The following PKNOX2 variants were observed in gnomAD, a reference collection of about 807,000 sequenced individuals.
PKNOX2 encodes PBX/knotted 1 homeobox 2, also known as homeobox protein PKNOX2.
A neutral mutation model predicts 53.1 loss-of-function variants in PKNOX2; 14 were observed. The observed-to-expected ratio is 0.26, with a 90% CI of 0.17 to 0.41. PKNOX2 has a LOEUF of 0.41. PKNOX2 is among the 10% of genes least tolerant of loss of function. The probability of loss-of-function intolerance (pLI) is 1.00; values close to 1 mark genes in which losing one functional copy is unlikely to be tolerated. For missense variants in PKNOX2, 496 were observed against 602.8 expected (o/e 0.82, Z 1.85); for synonymous variants, 257 against 242.8 (o/e 1.06, Z -0.54).
intron 1 of PKNOX2, among the ~76,000 whole-genome samples, chr11:125,169,170 A>T (rs1305978676): frequency 2.6e-5 from 4 of 152,252 alleles, no homozygotes; most frequent in Admixed American, 1.3e-4. Context: ...AGATCCGAGC[A>T]TGGAGAGGGT....
chr11:125,314,069 G>A (rs559165999), intron 2 of PKNOX2, among the ~76,000 whole-genome samples: 16 of 152,308 alleles, frequency 1.1e-4, no homozygotes, highest in African/African-American at 2.4e-4. Flanking sequence ...CTGGGCTGCC[G>A]TAGGAGCATC....
intron 2 of PKNOX2, among the ~76,000 whole-genome samples, chr11:125,272,852 T>G (rs1439436225): frequency 6.6e-6 from 1 of 152,176 alleles, no homozygotes; most frequent in African/African-American, 2.4e-5. Context: ...AATTGACTTC[T>G]CCGCCTGCCT....
chr11:125,430,204 G>T, intron 12 of PKNOX2, 63 bp downstream of exon 12: 2 of 1,553,934 alleles, frequency 1.3e-6, no homozygotes, highest in Non-Finnish European at 1.7e-6. Flanking sequence ...GCTTCTTCAG[G>T]TCAAGCCGTG....
chr11:125,267,622 T>C (rs993066688), intron 2 of PKNOX2, among the ~76,000 whole-genome samples: 4 of 152,038 alleles, frequency 2.6e-5, no homozygotes, highest in African/African-American at 7.2e-5. Context: ...ACCCCAAACA[T>C]CTCCCAGCGC....
At chr11:125,302,387 G>A (rs1323958314) in intron 2 of PKNOX2, among the ~76,000 whole-genome samples, 4 of 152,142 alleles carry the variant, frequency 2.6e-5, no homozygotes, top group South Asian at 2.1e-4. Context: ...TCTAGTCCAC[G>A]ATCTGCTATG....
intron 3 of PKNOX2, among the ~76,000 whole-genome samples, chr11:125,341,213 G>T (rs1226323722): frequency 6.6e-6 from 1 of 151,324 alleles, no homozygotes. Flanking sequence ...AAAATTAGCT[G>T]GGTGTGGTGG....
chr11:125,208,500 C>G (rs681864), intron 1 of PKNOX2, among the ~76,000 whole-genome samples: 108,373 of 151,898 alleles, frequency 0.71, 38,954 homozygotes, highest in East Asian at 0.76. Flanking sequence ...TCAGAGCAGA[C>G]AGGAGTGAGT....
chr11:125,315,341 C>T (rs1409956435), intron 2 of PKNOX2, among the ~76,000 whole-genome samples: 1 of 141,798 alleles, frequency 7.1e-6, no homozygotes, highest in Admixed American at 6.9e-5. Flanking sequence ...CCTCTCTCTG[C>T]ATTAAAATTG....
intron 1 of PKNOX2, among the ~76,000 whole-genome samples, chr11:125,228,496 G>A (rs937388026): frequency 3.3e-5 from 5 of 152,112 alleles, no homozygotes; most frequent in African/African-American, 1.2e-4. Context: ...ACACCTGATG[G>A]CTCTCAATGA....
chr11:125,388,240 A>G (rs1953784758), intron 6 of PKNOX2, among the ~76,000 whole-genome samples: 1 of 152,154 alleles, frequency 6.6e-6, no homozygotes, highest in South Asian at 2.1e-4. Context: ...TAGCCAGCAC[A>G]GCCAAGATGC....
intron 2 of PKNOX2, among the ~76,000 whole-genome samples, chr11:125,322,573 T>C (rs954100046): frequency 1.3e-5 from 2 of 152,214 alleles, no homozygotes; most frequent in African/African-American, 4.8e-5. Context: ...TTAATCCTGA[T>C]GAGCCCAGTG....
rs190284905 is a variant in PKNOX2, at chr11:125,352,748, A to G, written c.87+1356A>G. On this transcript the variant is annotated intron_variant, in intron 4 of 12. Transcript: ENST00000298282. The surrounding 1 kb of genome is among the most constrained non-coding windows in gnomAD (Gnocchi z 4.1). ...CATGTCTACGGCCCCGCTCCCACATATCAAATCATATTACTTCCCCAGCTC... is the reference window on the plus strand; with the variant it reads ...CATGTCTACGGCCCCGCTCCCACATGTCAAATCATATTACTTCCCCAGCTC... Among the ~76,000 whole-genome samples the G allele has an allele frequency of 3.9e-5, 6 of 152,226 alleles. No individual in the cohort carries two copies. Among genetic ancestry groups the G allele is most frequent in the Non-Finnish European group, 8.8e-5 (6 of 68,008 alleles).
chr11:125,404,671 C>T (rs192928417), intron 7 of PKNOX2, among the ~76,000 whole-genome samples: 6 of 152,274 alleles, frequency 3.9e-5, no homozygotes, highest in Admixed American at 2.0e-4. Context: ...AATACACCCA[C>T]AGCCTTAGGC....
At chr11:125,204,289 C>A (rs1346229878) in intron 1 of PKNOX2, among the ~76,000 whole-genome samples, 1 of 152,102 alleles carries the variant, frequency 6.6e-6, no homozygotes, top group Non-Finnish European at 1.5e-5. Context: ...CTGTGTTTCT[C>A]AGATGTTAAG....
At chr11:125,351,921 T>G (rs2136205809) in intron 4 of PKNOX2, among the ~76,000 whole-genome samples, 1 of 152,248 alleles carries the variant, frequency 6.6e-6, no homozygotes, top group Non-Finnish European at 1.5e-5. Flanking sequence ...GCCAAGATTC[T>G]TTCTGCACAC....
chr11:125,402,727 G>C (rs759715073), intron 7 of PKNOX2, among the ~76,000 whole-genome samples: 29 of 152,208 alleles, frequency 1.9e-4, no homozygotes, highest in Admixed American at 8.5e-4. Context: ...GGAGCTGCAG[G>C]CAGGGATTCT....
intron 2 of PKNOX2, among the ~76,000 whole-genome samples, chr11:125,257,987 G>C (rs1944542839): frequency 6.6e-6 from 1 of 152,166 alleles, no homozygotes; most frequent in Non-Finnish European, 1.5e-5. Flanking sequence ...GGGCACCTGA[G>C]CTTGCAGAAA....
At chr11:125,209,074 A>G (rs1843108096) in intron 1 of PKNOX2, among the ~76,000 whole-genome samples, 1 of 152,126 alleles carries the variant, frequency 6.6e-6, no homozygotes, top group Non-Finnish European at 1.5e-5. Flanking sequence ...GAGGAATATA[A>G]TTCCAGAGGG....
chr11:125,348,440 C>A (rs1951111648), intron 3 of PKNOX2, among the ~76,000 whole-genome samples: 1 of 152,234 alleles, frequency 6.6e-6, no homozygotes. Context: ...GGGGCAGTGG[C>A]CTAGTGGCCT....
Sources: gnomAD v4.1 joint callset for allele counts (sites outside exome capture counted in the v4.1 genomes callset) on GRCh38, gnomAD v4.1.1 for gene constraint, Gnocchi (gnomAD v3.1) non-coding constraint, MANE v1.5 for transcripts, NCBI Gene and HGNC (gene_info 2026-07-23, HGNC 2026-07-21) for gene names.